Variants in RAD23B observed in about 807,000 individuals in gnomAD.
The protein encoded by RAD23B is RAD23 nucleotide excision repair protein B, also known as lysine-specific demethylase RAD23B.
A neutral mutation model predicts 49.1 loss-of-function variants in RAD23B; 5 were observed. That is an observed-to-expected ratio of 0.10 (90% CI 0.05 to 0.21). The LOEUF is 0.21. RAD23B is among the 10% of genes least tolerant of loss of function. The pLI, the probability that RAD23B is intolerant of heterozygous loss-of-function variation, is 1.00. For missense variants in RAD23B, 356 were observed against 486.7 expected, an observed-to-expected ratio of 0.73 and a Z score of 2.53; for synonymous variants, 184 against 165.4, an observed-to-expected ratio of 1.11 and a Z score of -0.86.
intron 2 of RAD23B, among the ~76,000 whole-genome samples, chr9:107,301,625 A>T (rs2133074907): frequency 6.6e-6 from 1 of 151,842 alleles, no homozygotes; most frequent in East Asian, 1.9e-4. Flanking sequence ...GTATCCTTGA[A>T]CTCCTGAGCT....
At chr9:107,297,016 G>T (rs10816486) in intron 1 of RAD23B, among the ~76,000 whole-genome samples, 83,377 of 151,652 alleles carry the variant, frequency 0.55, 23,103 homozygotes, top group East Asian at 0.75. Context: ...CACCATGCCC[G>T]GCTAATTTTT....
chr9:107,290,145 T>G (rs903653474), intron 1 of RAD23B, among the ~76,000 whole-genome samples: 5 of 152,208 alleles, frequency 3.3e-5, no homozygotes, highest in African/African-American at 1.2e-4. Flanking sequence ...TTTATTTGAT[T>G]GAGAATTTGG....
Position 107,331,835 on chromosome 9 carries a change from T to C in RAD23B, c.*2179T>C. The C allele has an allele frequency of 3.2e-6, 2 of 631,248 alleles. No homozygotes were observed. The highest frequency in any genetic ancestry group is 5.8e-6 in the Non-Finnish European group (2 of 345,884). 39.1% of individuals were successfully genotyped at this position (631,248 alleles called of 1,614,324 possible). A position where few individuals can be genotyped will look rare whatever the true frequency, so the allele number is the denominator to read the frequency against. On this transcript the variant is annotated 3_prime_UTR_variant, in exon 10 of 10. Coordinates refer to ENST00000358015, the MANE Select transcript of RAD23B (RefSeq NM_002874.5). ...TTTGATCGTTCCATACAGTACCTTG[T>C]TTATCTGCTTCTTAAAGAATCAGCC...
rs552185879 is a variant in RAD23B, at chr9:107,295,079, C to T, written c.67-5062C>T. Reference sequence around the variant, plus strand: ...AGAGCAGTGTTAATGGAATGGCCAGCGGTGGGTGGGGGGGGACTACCAGAG... The same window carrying T: ...AGAGCAGTGTTAATGGAATGGCCAGTGGTGGGTGGGGGGGGACTACCAGAG... On this transcript the variant is annotated intron_variant, in intron 1 of 9. Transcript: ENST00000358015. Among the ~76,000 whole-genome samples the T allele has an allele frequency of 5.6e-5, 8 of 142,870 alleles. No homozygotes were observed. In the South Asian group the frequency reaches 9.7e-4, roughly 17 times the overall value. 93.7% of individuals were successfully genotyped at this position (142,870 alleles called of 152,430 possible). A position where few individuals can be genotyped will look rare whatever the true frequency, so the allele number is the denominator to read the frequency against.
At chr9:107,299,366 C>G (rs1826600694) in intron 1 of RAD23B, among the ~76,000 whole-genome samples, 2 of 152,170 alleles carry the variant, frequency 1.3e-5, no homozygotes, top group Non-Finnish European at 2.9e-5. Flanking sequence ...TTTTTTACTC[C>G]TGTACCTCCC....
chr9:107,325,532 AT>A (rs1827188212), intron 9 of RAD23B, among the ~76,000 whole-genome samples: 1 of 151,864 alleles, frequency 6.6e-6, no homozygotes, highest in South Asian at 2.1e-4. Context: ...TCTTAATTTC[AT>A]TTTCAGACTG....
intron 4 of RAD23B, among the ~76,000 whole-genome samples, chr9:107,306,943 A>G (rs948886525): frequency 5.3e-5 from 8 of 152,224 alleles, no homozygotes; most frequent in Non-Finnish European, 1.2e-4. Context: ...ACGTTAGGAA[A>G]TACAAATAAC....
At chr9:107,285,989 G>C (rs1587843980) in intron 1 of RAD23B, among the ~76,000 whole-genome samples, 1 of 152,164 alleles carries the variant, frequency 6.6e-6, no homozygotes, top group Non-Finnish European at 1.5e-5. Flanking sequence ...CTAGGGCAAC[G>C]CTAAGTGTCC....
chr9:107,312,213 T>G (rs1426716360), intron 5 of RAD23B, among the ~76,000 whole-genome samples: 1 of 152,230 alleles, frequency 6.6e-6, no homozygotes, highest in African/African-American at 2.4e-5. Context: ...TTTTACCTAC[T>G]GAATAATGCC....
At chr9:107,311,994 T>A (rs1409579179) in intron 5 of RAD23B, among the ~76,000 whole-genome samples, 1 of 152,208 alleles carries the variant, frequency 6.6e-6, no homozygotes, top group Non-Finnish European at 1.5e-5. Context: ...GATGTGAATT[T>A]TAAATGTGAT....
Position 107,308,899 on chromosome 9 carries a change from G to A in RAD23B, c.497+2252G>A, listed in dbSNP as rs139280054. ...TGTTAAGACTTTGTGGAGTGACTTT[G>A]TGGGAAGTCTGTTTAGGACCACTGA... On this transcript the variant is annotated intron_variant, in intron 4 of 9. Coordinates refer to ENST00000358015, the MANE Select transcript of RAD23B (RefSeq NM_002874.5). Among the ~76,000 whole-genome samples, 370 of 152,292 alleles carry A rather than the reference G, an allele frequency of 2.4e-3. 3 individuals carry two copies. The highest frequency in any genetic ancestry group is 8.7e-3 in the African/African-American group (360 of 41,568).
chr9:107,283,915 C>A, intron 1 of RAD23B: 1 of 1,004,648 alleles, frequency 1.0e-6, no homozygotes, highest in Non-Finnish European at 1.3e-6. Flanking sequence ...GGCCGGACGC[C>A]GAAGGCCTGG....
chr9:107,322,188 A>G (rs1827123775), intron 7 of RAD23B, 70 bp downstream of exon 7: 3 of 1,459,202 alleles, frequency 2.1e-6, no homozygotes, highest in African/African-American at 1.4e-5. Context: ...TTAACCTGAA[A>G]TACTTCAGAA....
chr9:107,313,894 CTCCTTTCTCCTT>C (rs1826939303), intron 5 of RAD23B, among the ~76,000 whole-genome samples: 2 of 151,912 alleles, frequency 1.3e-5, no homozygotes, highest in Non-Finnish European at 1.5e-5. Flanking sequence ...TCTGTCCTCT[CTCCTTTCTCCTT>C]TCCTTTCTCC....
intron 9 of RAD23B, among the ~76,000 whole-genome samples, chr9:107,327,385 T>C (rs566623484): frequency 9.2e-5 from 14 of 152,338 alleles, no homozygotes; most frequent in Admixed American, 5.2e-4. Context: ...TATCTATCTT[T>C]GTTAGCATAG....
In RAD23B at chr9:107,284,171, C is replaced by G. The variant is rs867787324; in HGVS notation, c.66+476C>G. 2.4e-5 allele frequency: 24 copies of G among 986,954 alleles called. 1 individual carries two copies. In the South Asian group the frequency reaches 9.4e-4, roughly 39 times the overall value. 61.1% of individuals were successfully genotyped at this position (986,954 alleles called of 1,614,324 possible). ...TTAAGAAAAAAAAAAGTATCAGGTT[C>G]CGTTTGCCGCCGAGAGGTGAGTGGT... is the stretch of plus-strand genomic sequence containing the variant. On this transcript the variant is annotated intron_variant, in intron 1 of 9. Coordinates refer to ENST00000358015, the MANE Select transcript of RAD23B (RefSeq NM_002874.5).
chr9:107,299,284 T>C (rs538640682), intron 1 of RAD23B, among the ~76,000 whole-genome samples: 2 of 152,336 alleles, frequency 1.3e-5, no homozygotes, highest in Admixed American at 6.5e-5. Flanking sequence ...ATTGAATTTT[T>C]CTCCTTGGTT....
chr9:107,297,224 T>C (rs1318385286), intron 1 of RAD23B, among the ~76,000 whole-genome samples: 2 of 152,188 alleles, frequency 1.3e-5, no homozygotes, highest in Non-Finnish European at 2.9e-5. Context: ...GCCTGTTAAT[T>C]TTTCTTCTTT....
chr9:107,324,139 C>T (rs1827158919), intron 8 of RAD23B, 122 bp downstream of exon 8: 1 of 1,121,740 alleles, frequency 8.9e-7, no homozygotes, highest in Admixed American at 2.3e-5. Flanking sequence ...TGTTTTCTTC[C>T]AAGCTACACT....
Sources: allele counts gnomAD v4.1 joint callset (sites outside exome capture counted in the v4.1 genomes callset), GRCh38; gene constraint gnomAD v4.1.1; transcripts MANE v1.5; gene names NCBI Gene and HGNC (gene_info 2026-07-23, HGNC 2026-07-21).